Variants in DISC1 observed in about 807,000 individuals in gnomAD.
DISC1 encodes disrupted in schizophrenia 1 protein.
In DISC1, 57 loss-of-function variants were observed where a neutral mutation model predicts 84.5. That is an observed-to-expected ratio of 0.67 (90% CI 0.55 to 0.84). The LOEUF is 0.84. Ranked by LOEUF, DISC1 falls within the 40% of genes least tolerant of loss-of-function variation. DISC1 has a pLI of 0.00. For missense variants in DISC1, 1,000 were observed against 1,057.8 expected, an observed-to-expected ratio of 0.95 and a Z score of 0.76; for synonymous variants, 411 against 415.2, an observed-to-expected ratio of 0.99 and a Z score of 0.12.
chr1:231,923,306 C>CAAAAAA lies in DISC1; in HGVS notation c.1982-35522_1982-35521insAAAAAA, dbSNP rs1558738260. ...TGTCTCAAAAACAAAACAAAAAAAA[C>CAAAAAA]CAAAAAAAAAAACAAAAAGAAAAAG... On this transcript the variant is annotated intron_variant, in intron 9 of 12. Coordinates refer to ENST00000439617, the MANE Select transcript of DISC1 (RefSeq NM_018662.3). 2.4e-4 allele frequency among the ~76,000 whole-genome samples: 26 copies of CAAAAAA among 109,370 alleles called. 3 individuals are homozygous for CAAAAAA. Among genetic ancestry groups the CAAAAAA allele is most frequent in the Non-Finnish European group, 3.9e-4 (19 of 48,298 alleles). The allele number at this position is 109,370 out of a possible 152,430, so 71.8% of individuals were successfully genotyped here.
chr1:231,685,989 C>G (rs558651767), intron 1 of DISC1, among the ~76,000 whole-genome samples: 18 of 152,296 alleles, frequency 1.2e-4, no homozygotes, highest in African/African-American at 4.3e-4. Context: ...TTTTAAAACT[C>G]CAAAATGACC....
At chr1:231,871,509 T>C (rs2085462980) in intron 9 of DISC1, among the ~76,000 whole-genome samples, 1 of 152,230 alleles carries the variant, frequency 6.6e-6, no homozygotes. Context: ...GTCGTTGATG[T>C]GGAAGTGCAG....
At chr1:231,999,813 A>AAACAACAAC (rs71162205) in intron 10 of DISC1, among the ~76,000 whole-genome samples, 5,613 of 150,540 alleles carry the variant, frequency 0.037, 149 homozygotes, top group East Asian at 0.049. Context: ...TCAAGCAGAA[A>AAACAACAAC]AACAACAACA....
chr1:231,641,840 A>G (rs1383877897), intron 1 of DISC1, among the ~76,000 whole-genome samples: 2 of 152,154 alleles, frequency 1.3e-5, no homozygotes, highest in Non-Finnish European at 2.9e-5. Flanking sequence ...AGCTAGACAT[A>G]AAGGTTCTCC....
chr1:231,964,148 T>C (rs4658894), intron 10 of DISC1, among the ~76,000 whole-genome samples: 7,768 of 152,260 alleles, frequency 0.051, 293 homozygotes, highest in East Asian at 0.2. Flanking sequence ...TAAGATTAAG[T>C]CTGCCTTGTT....
rs148054545 is a variant in DISC1 at position 231,876,025 on chromosome 1, G to A, written c.1981+57508G>A. ...TGATAAATGTGGGCTGAAAAGGCCC[G>A]AGAGCCCCAAAATACAGCAAGGACA... is the stretch of plus-strand genomic sequence containing the variant. On this transcript the variant is annotated intron_variant, in intron 9 of 12. Coordinates refer to ENST00000439617, the MANE Select transcript of DISC1 (RefSeq NM_018662.3). 2.7e-3 allele frequency among the ~76,000 whole-genome samples: 410 copies of A among 152,216 alleles called. 5 individuals are homozygous for A. The highest frequency in any genetic ancestry group is 9.7e-3 in the African/African-American group (403 of 41,508).
intron 1 of DISC1, among the ~76,000 whole-genome samples, chr1:231,688,538 C>A (rs1227854436): frequency 4.6e-5 from 7 of 152,202 alleles, no homozygotes; most frequent in Admixed American, 4.6e-4. Flanking sequence ...TCCCTTTAAT[C>A]CGATGAGGTG....
intron 10 of DISC1, among the ~76,000 whole-genome samples, chr1:231,975,301 T>G (rs1463105018): frequency 2.0e-5 from 3 of 152,112 alleles, no homozygotes; most frequent in Admixed American, 6.5e-5. Context: ...GGCTATTATC[T>G]AAAAGACAAA....
intron 1 of DISC1, chr1:231,685,035 C>A (rs1276642283): frequency 6.6e-6 from 1 of 152,244 alleles, no homozygotes; most frequent in Admixed American, 6.5e-5. Context: ...GGAAAACAAT[C>A]CGCCTGGCAA....
chr1:231,679,804 C>T (rs923044961), intron 1 of DISC1, among the ~76,000 whole-genome samples: 2 of 152,198 alleles, frequency 1.3e-5, no homozygotes, highest in Non-Finnish European at 2.9e-5. Context: ...TTTAAACAGC[C>T]TCTTTATTTG....
chr1:231,922,858 A>G (rs2090093432), intron 9 of DISC1, among the ~76,000 whole-genome samples: 1 of 152,130 alleles, frequency 6.6e-6, no homozygotes, highest in African/African-American at 2.4e-5. Context: ...TCACTTAGAA[A>G]ATTCAACCTC....
intron 9 of DISC1, among the ~76,000 whole-genome samples, chr1:231,872,040 C>T (rs542922189): frequency 1.3e-5 from 2 of 152,304 alleles, no homozygotes; most frequent in East Asian, 1.9e-4. Context: ...GGCCCTCAGC[C>T]GTGCACTGGG....
At chr1:231,739,786 A>G (rs985234868) in intron 3 of DISC1, among the ~76,000 whole-genome samples, 3 of 152,230 alleles carry the variant, frequency 2.0e-5, no homozygotes, top group African/African-American at 7.2e-5. Context: ...AATCATTTTC[A>G]AACACTCTCC....
At chr1:231,775,705 G>T (rs1286305030) in intron 6 of DISC1, among the ~76,000 whole-genome samples, 1 of 152,146 alleles carries the variant, frequency 6.6e-6, no homozygotes, top group Admixed American at 6.5e-5. Context: ...CCACTTAAAA[G>T]ATATGTTCAT....
chr1:231,778,248 G>T (rs2077109376), intron 6 of DISC1, among the ~76,000 whole-genome samples: 2 of 152,190 alleles, frequency 1.3e-5, no homozygotes, highest in Admixed American at 1.3e-4. Context: ...AGAGAAACTG[G>T]AAAGCAAGGC....
chr1:231,648,765 T>C (rs2060361858), intron 1 of DISC1, among the ~76,000 whole-genome samples: 1 of 152,236 alleles, frequency 6.6e-6, no homozygotes, highest in Non-Finnish European at 1.5e-5. Flanking sequence ...GAGATTCAAC[T>C]TCTTCCTGGT....
chr1:231,950,357 A>T (rs985278828), intron 9 of DISC1, among the ~76,000 whole-genome samples: 3 of 152,252 alleles, frequency 2.0e-5, no homozygotes, highest in Admixed American at 6.5e-5. Flanking sequence ...TAAGCAATTT[A>T]AAAAATACTG....
intron 1 of DISC1, among the ~76,000 whole-genome samples, chr1:231,641,138 T>C (rs2059618803): frequency 6.6e-6 from 1 of 152,218 alleles, no homozygotes; most frequent in African/African-American, 2.4e-5. Context: ...AGGTGAGCTA[T>C]TCTTGTGCTG....
At chr1:231,717,841 A>T (rs112849614) in intron 3 of DISC1, among the ~76,000 whole-genome samples, 38 of 152,108 alleles carry the variant, frequency 2.5e-4, no homozygotes, top group East Asian at 9.6e-4. Context: ...CTTCATTAAT[A>T]AAAAAAAGAC....
Sources: gnomAD v4.1 joint callset for allele counts (sites outside exome capture counted in the v4.1 genomes callset) on GRCh38, gnomAD v4.1.1 for gene constraint, MANE v1.5 for transcripts, NCBI Gene and HGNC (gene_info 2026-07-23, HGNC 2026-07-21) for gene names.